The following SLC22A3 variants were observed in gnomAD, a reference collection of about 807,000 sequenced individuals.
SLC22A3 encodes solute carrier family 22 member 3.
In SLC22A3, 51 loss-of-function variants were observed where a neutral mutation model predicts 59.1. The observed-to-expected ratio is 0.86, with a 90% CI of 0.69 to 1.09. SLC22A3 has a LOEUF of 1.09. Ranked by LOEUF, SLC22A3 falls within the 50% of genes least tolerant of loss-of-function variation. The pLI, the probability that SLC22A3 is intolerant of heterozygous loss-of-function variation, is 0.00. For missense variants in SLC22A3, 711 were observed against 726.3 expected (o/e 0.98, Z 0.24); for synonymous variants, 325 against 292.0 (o/e 1.11, Z -1.15).
intron 1 of SLC22A3, among the ~76,000 whole-genome samples, chr6:160,374,633 C>T (rs1785522867): frequency 6.6e-6 from 1 of 152,164 alleles, no homozygotes; most frequent in South Asian, 2.1e-4. Context: ...CCCAAAATTA[C>T]CCAGCGTGTG....
intron 5 of SLC22A3, among the ~76,000 whole-genome samples, chr6:160,433,746 T>C (rs1367733767): frequency 6.6e-6 from 1 of 152,094 alleles, no homozygotes; most frequent in Non-Finnish European, 1.5e-5. Context: ...AGTCAAACTA[T>C]CTACCTGAAC....
At chr6:160,391,973 C>A (rs1235169247) in intron 1 of SLC22A3, among the ~76,000 whole-genome samples, 3 of 152,190 alleles carry the variant, frequency 2.0e-5, no homozygotes, top group Non-Finnish European at 4.4e-5. Flanking sequence ...TAGTTATGAA[C>A]CTTGGAGAAC....
chr6:160,410,977 T>C, intron 5 of SLC22A3, 131 bp downstream of exon 5: 2 of 498,582 alleles, frequency 4.0e-6, no homozygotes, highest in South Asian at 4.3e-5. Flanking sequence ...TATGTATGTA[T>C]GTATATATGT....
chr6:160,385,387 T>G (rs528016857), intron 1 of SLC22A3, among the ~76,000 whole-genome samples: 2 of 152,328 alleles, frequency 1.3e-5, no homozygotes, highest in South Asian at 4.1e-4. Flanking sequence ...GTTACTGTAT[T>G]TTTTCTGGTT....
intron 1 of SLC22A3, among the ~76,000 whole-genome samples, chr6:160,381,051 A>G (rs943299979): frequency 6.6e-6 from 1 of 152,232 alleles, no homozygotes; most frequent in Non-Finnish European, 1.5e-5. Context: ...CCAGGACACA[A>G]TGAGAAAGGC....
intron 5 of SLC22A3, among the ~76,000 whole-genome samples, chr6:160,420,641 A>G (rs886475271): frequency 6.6e-6 from 1 of 152,216 alleles, no homozygotes; most frequent in Admixed American, 6.5e-5. Context: ...TTGTTTGCCC[A>G]GGGCCGGGGA....
rs181083896 is a variant in SLC22A3 at position 160,441,894 on chromosome 6, C to A, written c.1289-867C>A. On this transcript the variant is annotated intron_variant, in intron 7 of 10. Transcript: ENST00000275300. ...CAGACATATGTCCTCAATACCAAAT[C>A]CCCTAGGAAAGGATGACATCAATTG... Among the ~76,000 whole-genome samples the A allele has an allele frequency of 3.5e-3, 536 of 152,280 alleles. 2 individuals carry two copies. Among genetic ancestry groups the A allele is most frequent in the Non-Finnish European group, 5.5e-3 (377 of 68,026 alleles).
In SLC22A3 at chr6:160,348,492, C is replaced by T; in HGVS notation, c.73C>T (p.Leu25=). The T allele has an allele frequency of 6.4e-7, 1 of 1,559,588 alleles. No homozygotes were observed. ...GRFQRRVFLL[L]CLTGVTFAFL... ...CTTCCAGAGGCGCGTGTTTTTGCTG[C>T]TGTGCCTGACGGGCGTCACCTTCGC... The change falls in exon 1 of 11, where the codon CTG becomes TTG. Residue 25 remains leucine, a synonymous_variant. Coordinates refer to ENST00000275300, the MANE Select transcript of SLC22A3 (RefSeq NM_021977.4).
At chr6:160,409,715 T>TAAA (rs1787170019) in intron 4 of SLC22A3, among the ~76,000 whole-genome samples, 1 of 152,192 alleles carries the variant, frequency 6.6e-6, no homozygotes, top group Non-Finnish European at 1.5e-5. Context: ...AAGAGAGTAT[T>TAAA]TGTTGATGAT....
At chr6:160,406,775 C>T (rs1201203340) in intron 2 of SLC22A3, among the ~76,000 whole-genome samples, 1 of 152,126 alleles carries the variant, frequency 6.6e-6, no homozygotes, top group East Asian at 1.9e-4. Flanking sequence ...ATCTGTACCA[C>T]CGGGGAGACT....
At chr6:160,434,008 C>T (rs562769088) in intron 5 of SLC22A3, among the ~76,000 whole-genome samples, 35 of 152,294 alleles carry the variant, frequency 2.3e-4, no homozygotes, top group Non-Finnish European at 2.9e-4. Context: ...GATATGTAGA[C>T]AAGGGATCCT....
At chr6:160,436,563 C>G (rs1389221595) in intron 5 of SLC22A3, among the ~76,000 whole-genome samples, 2 of 152,158 alleles carry the variant, frequency 1.3e-5, no homozygotes, top group African/African-American at 4.8e-5. Context: ...CTGAAATTAT[C>G]CTAAGAACAG....
chr6:160,402,296 G>A (rs1189026198), intron 2 of SLC22A3, among the ~76,000 whole-genome samples: 7 of 151,772 alleles, frequency 4.6e-5, no homozygotes, highest in African/African-American at 1.7e-4. Flanking sequence ...ATAAAAACGG[G>A]CATTATATAA....
intron 1 of SLC22A3, among the ~76,000 whole-genome samples, chr6:160,384,731 T>C (rs1785931529): frequency 6.6e-6 from 1 of 152,092 alleles, no homozygotes; most frequent in Non-Finnish European, 1.5e-5. Context: ...CCCACCTTCC[T>C]TCCACCCTCA....
chr6:160,382,761 G>A (rs1785844471), intron 1 of SLC22A3, among the ~76,000 whole-genome samples: 1 of 152,132 alleles, frequency 6.6e-6, no homozygotes, highest in African/African-American at 2.4e-5. Context: ...AGCACCTATT[G>A]TAGATATGCT....
rs997092908 is a variant in SLC22A3 at position 160,353,259 on chromosome 6, T to A, written c.429+4411T>A. 2.6e-5 allele frequency among the ~76,000 whole-genome samples: 4 copies of A among 152,316 alleles called. No homozygotes were observed. In the East Asian group the frequency reaches 7.7e-4, roughly 29 times the overall value. On this transcript the variant is annotated intron_variant, in intron 1 of 10. Coordinates refer to ENST00000275300, the MANE Select transcript of SLC22A3 (RefSeq NM_021977.4). ...CTCAGAACAAGGAAAATATTTACAA[T>A]AAGGACCTTCATTATGAGAATGTGC...
chr6:160,400,110 T>G (rs1786705544), intron 2 of SLC22A3, among the ~76,000 whole-genome samples: 2 of 109,384 alleles, frequency 1.8e-5, no homozygotes, highest in Non-Finnish European at 1.9e-5. Flanking sequence ...TTTTTTTTTT[T>G]GCCACCTGAA....
intron 1 of SLC22A3, among the ~76,000 whole-genome samples, chr6:160,360,179 C>T (rs1489024472): frequency 3.3e-5 from 5 of 152,050 alleles, no homozygotes; most frequent in East Asian, 1.9e-4. Context: ...TACAAGCGGC[C>T]GGGCACAGTG....
At chr6:160,424,122 C>T (rs1352157634) in intron 5 of SLC22A3, among the ~76,000 whole-genome samples, 1 of 152,134 alleles carries the variant, frequency 6.6e-6, no homozygotes, top group Non-Finnish European at 1.5e-5. Context: ...TGTCTCCTAG[C>T]CGCTGTAACC....
Sources: allele counts gnomAD v4.1 joint callset (sites outside exome capture counted in the v4.1 genomes callset), GRCh38; gene constraint gnomAD v4.1.1; transcripts MANE v1.5; gene names NCBI Gene and HGNC (gene_info 2026-07-23, HGNC 2026-07-21).